H2BC18: variants seen among roughly 807,000 people sequenced by gnomAD.
H2BC18 encodes H2B clustered histone 18.
A neutral mutation model predicts 6.3 loss-of-function variants in H2BC18; 8 were observed. That is an observed-to-expected ratio of 1.28 (90% CI 0.75 to 2.31). The LOEUF is 2.31. Ranked by LOEUF, H2BC18 falls within the 30% of genes most tolerant of loss-of-function variation. The pLI is 0.00. For synonymous variants in H2BC18, 104 were observed against 78.1 expected, an observed-to-expected ratio of 1.33 and a Z score of -1.75; for missense variants, 106 against 174.5, an observed-to-expected ratio of 0.61 and a Z score of 2.21.
At position 149,790,195 on chromosome 1, in the gene H2BC18, A is replaced by G. The variant is rs201094582; in HGVS notation, c.378-6935T>C. 7.2e-4 allele frequency: 1,161 copies of G among 1,613,864 alleles called. 1 individual carries two copies. Among genetic ancestry groups the G allele is most frequent in the Admixed American group, 1.3e-3 (76 of 59,986 alleles). ...TACTTCTCCTTCTACATGGGCAGCA[A>G]GACCCTGCGAGGCAGGAACACATCC... On this transcript the variant is annotated intron_variant, in intron 1 of 1. Coordinates refer to the H2BC18 transcript ENST00000545683.
intron 1 of H2BC18, chr1:149,793,097 C>G (rs1456820270): frequency 1.4e-5 from 18 of 1,274,190 alleles, no homozygotes; most frequent in African/African-American, 1.6e-5. Flanking sequence ...TGCCGCCAAG[C>G]CCCGGGGATG....
At chr1:149,785,499 C>G (rs2091523939) in intron 1 of H2BC18, among the ~76,000 whole-genome samples, 1 of 145,622 alleles carries the variant, frequency 6.9e-6, no homozygotes, top group South Asian at 2.2e-4. Flanking sequence ...TCACTGCAAC[C>G]TCTGACAGAG....
chr1:149,784,467 T>C (rs1553750586), intron 1 of H2BC18, among the ~76,000 whole-genome samples: 1 of 152,130 alleles, frequency 6.6e-6, no homozygotes, highest in Non-Finnish European at 1.5e-5. Context: ...AGGCCAGCTC[T>C]AAGTAGGATG....
intron 1 of H2BC18, among the ~76,000 whole-genome samples, chr1:149,799,391 A>T (rs1275326812): frequency 6.6e-6 from 1 of 152,356 alleles, no homozygotes; most frequent in Non-Finnish European, 1.5e-5. Flanking sequence ...CTGTGAATCT[A>T]GGTGAGGGTC....
downstream of H2BC18, among the ~76,000 whole-genome samples, chr1:149,808,296 C>A (rs371145371): frequency 2.0e-3 from 299 of 152,306 alleles, 1 homozygote; most frequent in African/African-American, 6.9e-3. Flanking sequence ...GGAATGGATA[C>A]CTTTGTGTCT....
At chr1:149,788,828 C>T (rs1228625074) in intron 1 of H2BC18, among the ~76,000 whole-genome samples, 1 of 152,162 alleles carries the variant, frequency 6.6e-6, no homozygotes, top group Admixed American at 6.5e-5. Context: ...GTACCGCAAC[C>T]CCCATCAACA....
At chr1:149,789,297 G>A (rs1298656068) in intron 1 of H2BC18, among the ~76,000 whole-genome samples, 2 of 152,164 alleles carry the variant, frequency 1.3e-5, no homozygotes, top group Non-Finnish European at 2.9e-5. Flanking sequence ...GGAGGCTGAG[G>A]CAGGAGAATA....
intron 1 of H2BC18, among the ~76,000 whole-genome samples, chr1:149,804,716 T>C (rs2091902322): frequency 6.6e-6 from 1 of 152,252 alleles, no homozygotes; most frequent in South Asian, 2.1e-4. Context: ...AGAAGGTAGT[T>C]TCCATTATGT....
At position 149,790,464 on chromosome 1, in the gene H2BC18, C is replaced by A. The variant is rs1571396760; in HGVS notation, c.378-7204G>T. 4.7e-6 allele frequency: 7 copies of A among 1,491,546 alleles called. No individual in the cohort carries two copies. In the East Asian group the frequency reaches 1.7e-4, roughly 37 times the overall value. The allele number at this position is 1,491,546 out of a possible 1,614,324, so 92.4% of individuals were successfully genotyped here. A position where few individuals can be genotyped will look rare whatever the true frequency, so the allele number is the denominator to read the frequency against. On this transcript the variant is annotated intron_variant, in intron 1 of 1. Transcript: ENST00000545683. ...GGAAAGTCTCTTCAGGAAAAGCCCA[C>A]AAGCAGGCCTTTCCATCCTTGATTC...
intron 1 of H2BC18, among the ~76,000 whole-genome samples, chr1:149,800,919 CTATAAAAAA>C (rs1553753268): frequency 6.6e-6 from 1 of 152,112 alleles, no homozygotes; most frequent in Non-Finnish European, 1.5e-5. Context: ...AACCCCATCT[CTATAAAAAA>C]TACAAAAATT....
chr1:149,801,888 T>C (rs587647475), intron 1 of H2BC18, among the ~76,000 whole-genome samples: 1 of 152,262 alleles, frequency 6.6e-6, no homozygotes, highest in African/African-American at 2.4e-5. Flanking sequence ...CTCCCCACTA[T>C]AAATTATTTG....
At chr1:149,804,565 T>C (rs2091900997) in intron 1 of H2BC18, among the ~76,000 whole-genome samples, 1 of 152,118 alleles carries the variant, frequency 6.6e-6, no homozygotes. Context: ...GAATGTGCTC[T>C]GGAAGTACAA....
chr1:149,811,726 T>G, downstream of H2BC18: 2 of 676,428 alleles, frequency 3.0e-6, no homozygotes, highest in Admixed American at 3.0e-5. Context: ...TCAGTAAGAC[T>G]GGACGGGGAT....
At chr1:149,787,299 T>C (rs2091578182) in intron 1 of H2BC18, 1 of 152,252 alleles carries the variant, frequency 6.6e-6, no homozygotes, top group African/African-American at 2.4e-5. Flanking sequence ...ATTGTCTCTT[T>C]TCCGCCTTAG....
chr1:149,798,462 T>C (rs1163926785), intron 1 of H2BC18, among the ~76,000 whole-genome samples: 3 of 152,100 alleles, frequency 2.0e-5, no homozygotes, highest in African/African-American at 4.8e-5. Context: ...AAAGGTATAT[T>C]AAACTTATCA....
intron 1 of H2BC18, chr1:149,784,284 C>A (rs782586399): frequency 6.2e-7 from 1 of 1,609,240 alleles, no homozygotes; most frequent in South Asian, 1.1e-5. Context: ...CCAGGAGGGC[C>A]GGAAACCACA....
chr1:149,785,476 G>C (rs1407205616), intron 1 of H2BC18, among the ~76,000 whole-genome samples: 1 of 143,772 alleles, frequency 7.0e-6, no homozygotes, highest in Non-Finnish European at 1.5e-5. Context: ...GAATGCAGTG[G>C]TGTGATCTTG....
chr1:149,811,882 A>C lies in H2BC18; in HGVS notation c.*61T>G, dbSNP rs1308086201. On this transcript the variant is annotated 3_prime_UTR_variant, in exon 1 of 1. Transcript: ENST00000369167. ...TTACAGCTGCTTTCTCGATTACTGA[A>C]GTGGCTCTGAAAAGAGCCTTTGGGG... is the stretch of plus-strand genomic sequence containing the variant. 5 of 1,432,602 alleles carry C rather than the reference A, an allele frequency of 3.5e-6. No homozygotes were observed. The Admixed American group carries it at 7.4e-5, about 21-fold the overall frequency. The allele number at this position is 1,432,602 out of a possible 1,614,324, so 88.7% of individuals were successfully genotyped here.
chr1:149,797,514 T>G (rs2091813203), intron 1 of H2BC18, among the ~76,000 whole-genome samples: 1 of 152,224 alleles, frequency 6.6e-6, no homozygotes, highest in Admixed American at 6.5e-5. Context: ...TTTGGTGGAA[T>G]AGGAAGGTAT....
Sources: allele counts gnomAD v4.1 joint callset (sites outside exome capture counted in the v4.1 genomes callset), GRCh38; gene constraint gnomAD v4.1.1; transcripts MANE v1.5; gene names NCBI Gene and HGNC (gene_info 2026-07-23, HGNC 2026-07-21).